Variants in PNKD observed in about 807,000 individuals in gnomAD.
PNKD encodes the protein probable thioesterase PNKD.
A neutral mutation model predicts 45.3 loss-of-function variants in PNKD; 36 were observed. The ratio of observed to expected loss-of-function variants is 0.80; its 90% CI spans 0.61 to 1.05. The LOEUF (loss-of-function observed/expected upper bound fraction) is 1.05. PNKD is among the 50% of genes least tolerant of loss of function. The pLI, the probability that PNKD is intolerant of heterozygous loss-of-function variation, is 0.00. For missense variants in PNKD, 511 were observed against 506.6 expected, an observed-to-expected ratio of 1.01 and a Z score of -0.08; for synonymous variants, 197 against 210.1, an observed-to-expected ratio of 0.94 and a Z score of 0.54.
At chr2:218,299,091 T>C (rs369744088) in intron 2 of PNKD, among the ~76,000 whole-genome samples, 16 of 152,278 alleles carry the variant, frequency 1.1e-4, no homozygotes, top group East Asian at 9.6e-4. Flanking sequence ...CTATTCATCT[T>C]ACCACCTGTT....
intron 2 of PNKD, chr2:218,280,665 C>G (rs539091418): frequency 1.3e-5 from 2 of 156,386 alleles, no homozygotes; most frequent in Admixed American, 1.3e-4. Context: ...GCTGACACCC[C>G]TCTGGGGTTC....
chr2:218,332,608 C>T (rs1234500836), intron 2 of PNKD, among the ~76,000 whole-genome samples: 33 of 152,068 alleles, frequency 2.2e-4, no homozygotes, highest in Admixed American at 2.2e-3. Flanking sequence ...CTCAGGCCAG[C>T]AAGGACTGCA....
chr2:218,277,969 C>T lies in PNKD; in HGVS notation c.236+6420C>T, dbSNP rs373505480. 1.1e-4 allele frequency: 174 copies of T among 1,614,028 alleles called. No homozygotes were observed. Among genetic ancestry groups the T allele is most frequent in the Non-Finnish European group, 1.3e-4 (154 of 1,180,026 alleles). ...CAGCAGAATGATGTTCCATGGGAAACGGCGTCTGAAGGGAAAGAGAAGCCT... is the reference window on the plus strand; with the variant it reads ...CAGCAGAATGATGTTCCATGGGAAATGGCGTCTGAAGGGAAAGAGAAGCCT... On this transcript the variant is annotated intron_variant, in intron 2 of 9. Coordinates refer to ENST00000273077, the MANE Select transcript of PNKD (RefSeq NM_015488.5).
At position 218,341,843 on chromosome 2, in the gene PNKD, C is replaced by T. The variant is rs2290709; in HGVS notation, c.618-138C>T. Reference sequence around the variant, plus strand: ...AAGGGGGAGGGTTCGGACCTGAGACCCGAGGCACTGGGGTGACTTCTTTTG... The same window carrying T: ...AAGGGGGAGGGTTCGGACCTGAGACTCGAGGCACTGGGGTGACTTCTTTTG... On this transcript the variant is annotated intron_variant, in intron 6 of 9. Transcript: ENST00000273077. 2,180 of 810,582 alleles carry T rather than the reference C, an allele frequency of 2.7e-3. 60 individuals are homozygous for T. The East Asian group carries it at 0.046, about 17-fold the overall frequency. The allele number at this position is 810,582 out of a possible 1,614,324, so 50.2% of individuals were successfully genotyped here. A position where few individuals can be genotyped will look rare whatever the true frequency, so the allele number is the denominator to read the frequency against.
intron 2 of PNKD, among the ~76,000 whole-genome samples, chr2:218,335,220 G>A (rs963487103): frequency 1.3e-5 from 2 of 152,054 alleles, no homozygotes; most frequent in South Asian, 2.1e-4. Flanking sequence ...GGTGGCTCAC[G>A]CCAGTAATCC....
Position 218,340,843 on chromosome 2 carries a change from TG to T in PNKD, c.524+60del, listed in dbSNP as rs1694652381. 6.2e-6 allele frequency: 9 copies of T among 1,457,726 alleles called. No homozygotes were observed. The South Asian group carries it at 7.9e-5, about 13-fold the overall frequency. 90.3% of individuals were successfully genotyped at this position (1,457,726 alleles called of 1,614,324 possible). A position where few individuals can be genotyped will look rare whatever the true frequency, so the allele number is the denominator to read the frequency against. On this transcript the variant is annotated intron_variant, in intron 5 of 9. Coordinates refer to ENST00000273077, the MANE Select transcript of PNKD (RefSeq NM_015488.5). This position sits in a 1 kb window ranked among gnomAD's most constrained non-coding sequence, Gnocchi z 4.2. The stretch of plus-strand genomic sequence containing the variant: ...TTGTCCCAGCTGGGCTTGCCAGGAC[TG>T]GGCCCATTGAGGACGGCCGGGGCCA...
chr2:218,337,574 C>T (rs1018494133), intron 2 of PNKD, among the ~76,000 whole-genome samples: 1 of 152,132 alleles, frequency 6.6e-6, no homozygotes, highest in African/African-American at 2.4e-5. Context: ...CTTAGAACAC[C>T]TCTGTCTTTG....
chr2:218,304,872 C>T (rs1051848185), intron 2 of PNKD, among the ~76,000 whole-genome samples: 7 of 151,832 alleles, frequency 4.6e-5, no homozygotes, highest in South Asian at 2.1e-4. Context: ...GTCAGGAGTT[C>T]GAGACCAGCC....
intron 2 of PNKD, chr2:218,272,790 G>A (rs1690902369): frequency 6.2e-7 from 1 of 1,613,802 alleles, no homozygotes; most frequent in Admixed American, 1.7e-5. Flanking sequence ...CTAGGCTATT[G>A]ACTGTTAAGT....
At position 218,340,028 on chromosome 2, in the gene PNKD, G is replaced by T; in HGVS notation, c.353-1G>T. Reference sequence around the variant, plus strand: ...CGCCCACAGCCCATCTCTGTCCCCAGGAGTGAAGGTGCTTCCCATCCCTGT... The same window carrying T: ...CGCCCACAGCCCATCTCTGTCCCCATGAGTGAAGGTGCTTCCCATCCCTGT... On this transcript the variant is annotated splice_acceptor_variant, in intron 3 of 9. Coordinates refer to ENST00000273077, the MANE Select transcript of PNKD (RefSeq NM_015488.5). LOFTEE classifies it high-confidence loss of function. The surrounding 1 kb of genome is among the most constrained non-coding windows in gnomAD (Gnocchi z 4.2). 6.2e-7 allele frequency: 1 copy of T among 1,604,402 alleles called. No homozygotes were observed. Among genetic ancestry groups the T allele is most frequent in the Non-Finnish European group, 8.5e-7 (1 of 1,171,268 alleles).
chr2:218,309,275 C>T (rs552857737), intron 2 of PNKD, among the ~76,000 whole-genome samples: 52 of 151,232 alleles, frequency 3.4e-4, no homozygotes, highest in Non-Finnish European at 5.3e-4. Flanking sequence ...AAAAATTAGC[C>T]GGGCGTGGTG....
chr2:218,336,392 A>T (rs1224516988), intron 2 of PNKD, among the ~76,000 whole-genome samples: 2 of 152,164 alleles, frequency 1.3e-5, no homozygotes. Context: ...ATATTGTGCA[A>T]TGCCTGTTTT....
chr2:218,345,007 C>A lies in PNKD; in HGVS notation c.*26C>A. 6.3e-7 allele frequency: 1 copy of A among 1,587,404 alleles called. No homozygotes were observed. Reference sequence around the variant, plus strand: ...TGCCCCCAGCGCCCCCAGCCCAGCCCACTCCCCGCATGGGGAGGCCGCCAC... The same window carrying A: ...TGCCCCCAGCGCCCCCAGCCCAGCCAACTCCCCGCATGGGGAGGCCGCCAC... On this transcript the variant is annotated 3_prime_UTR_variant, in exon 10 of 10. Coordinates refer to ENST00000273077, the MANE Select transcript of PNKD (RefSeq NM_015488.5).
intron 2 of PNKD, chr2:218,334,726 C>G (rs1424414612): frequency 4.3e-6 from 3 of 702,704 alleles, no homozygotes; most frequent in Non-Finnish European, 7.8e-6. Context: ...TGCATCATAC[C>G]AAGAGGCAAA....
Position 218,270,596 on chromosome 2 carries a change from C to G in PNKD, c.61C>G (p.Leu21Val). The G allele has an allele frequency of 9.4e-7, 1 of 1,060,910 alleles. No individual in the cohort carries two copies. Among genetic ancestry groups the G allele is most frequent in the Non-Finnish European group, 1.2e-6 (1 of 804,736 alleles). The allele number at this position is 1,060,910 out of a possible 1,614,324, so 65.7% of individuals were successfully genotyped here. The change falls in exon 1 of 10, where the codon CTC becomes GTC. Residue 21 changes from leucine (L) to valine (V), a missense_variant. Physicochemically the swap from Leu to Val is conservative, Grantham distance 32. Coordinates refer to ENST00000273077, the MANE Select transcript of PNKD (RefSeq NM_015488.5). ...KGRGARNARV[L>V]RGILAGATAN... ...CCGGGGGGCGAGAAATGCCCGCGTC[C>G]TCCGGGGTAAGGAGAGGGACCCCGG...
In PNKD at chr2:218,309,763, C is replaced by A. The variant is rs183495070; in HGVS notation, c.237-30020C>A. Among the ~76,000 whole-genome samples the A allele has an allele frequency of 2.2e-3, 331 of 150,392 alleles. 3 individuals carry two copies. Among genetic ancestry groups the A allele is most frequent in the African/African-American group, 7.5e-3 (307 of 40,914 alleles). Reference sequence around the variant, plus strand: ...CCTGGCCAACATGGTGAGACCCCATCTCTACTAAAAATACAAAAAAAATTA... The same window carrying A: ...CCTGGCCAACATGGTGAGACCCCATATCTACTAAAAATACAAAAAAAATTA... On this transcript the variant is annotated intron_variant, in intron 2 of 9. Transcript: ENST00000273077.
intron 2 of PNKD, among the ~76,000 whole-genome samples, chr2:218,287,483 G>A (rs1692613758): frequency 6.6e-6 from 1 of 152,164 alleles, no homozygotes; most frequent in Non-Finnish European, 1.5e-5. Flanking sequence ...GCCGAGGCAG[G>A]TGGATCACGA....
chr2:218,281,799 A>G, intron 2 of PNKD: 1 of 773,654 alleles, frequency 1.3e-6, no homozygotes, highest in South Asian at 1.7e-5. Flanking sequence ...AAAGACAGAA[A>G]CAGAGGGAGA....
rs756295349 is a variant in PNKD, at chr2:218,341,948, A to G, written c.618-33A>G. ...CAGGGATCAGCATGGCACAGATCCA[A>G]TACCTTCTGTCCCCTGCTCCCTTGT... On this transcript the variant is annotated intron_variant, in intron 6 of 9. Transcript: ENST00000273077. 2.5e-6 allele frequency: 4 copies of G among 1,576,018 alleles called. No homozygotes were observed. The Admixed American group carries it at 6.7e-5, about 26-fold the overall frequency.
Sources: allele counts gnomAD v4.1 joint callset (sites outside exome capture counted in the v4.1 genomes callset), GRCh38; gene constraint gnomAD v4.1.1; non-coding constraint Gnocchi (gnomAD v3.1); transcripts MANE v1.5; gene names NCBI Gene and HGNC (gene_info 2026-07-23, HGNC 2026-07-21).